MAGI1: variants seen among roughly 807,000 people sequenced by gnomAD.
MAGI1 encodes the protein membrane-associated guanylate kinase, WW and PDZ domain-containing protein 1.
Under a neutral mutation model 139.9 loss-of-function variants are expected in MAGI1, and 58 were observed. The ratio of observed to expected loss-of-function variants is 0.41; its 90% confidence interval spans 0.34 to 0.52. The LOEUF is 0.52. Among genes scored for constraint, MAGI1 ranks in the 20% least tolerant of loss-of-function variants. The pLI, the probability that MAGI1 is intolerant of heterozygous loss-of-function variation, is 0.12. For missense variants in MAGI1, 1,874 were observed against 1,901.6 expected, an observed-to-expected ratio of 0.99 and a Z score of 0.27; for synonymous variants, 812 against 737.9, an observed-to-expected ratio of 1.10 and a Z score of -1.63.
intron 3 of MAGI1, 48 bp from the exon 4 acceptor site, chr3:65,478,846 T>A (rs1951063547): frequency 1.1e-5 from 15 of 1,417,720 alleles, no homozygotes; most frequent in Non-Finnish European, 1.5e-5. Context: ...GAATACTTTG[T>A]GTTTTTTTTT....
chr3:65,723,549 CA>C (rs142557865), intron 1 of MAGI1, among the ~76,000 whole-genome samples: 51,413 of 151,990 alleles, frequency 0.34, 9,846 homozygotes, highest in African/African-American at 0.5. Flanking sequence ...TATTCCTTTC[CA>C]AGTCCTTTCC....
chr3:65,946,743 G>T (rs918276866), intron 1 of MAGI1, among the ~76,000 whole-genome samples: 8 of 152,152 alleles, frequency 5.3e-5, no homozygotes, highest in African/African-American at 1.9e-4. Flanking sequence ...GAAGAGGTAG[G>T]GCCAGGGACA....
chr3:65,662,568 G>A (rs1023460515), intron 1 of MAGI1, among the ~76,000 whole-genome samples: 1 of 152,160 alleles, frequency 6.6e-6, no homozygotes, highest in Non-Finnish European at 1.5e-5. Context: ...TTGTTTGTTT[G>A]TATGTTCTAA....
chr3:65,478,737 C>G lies in MAGI1; in HGVS notation c.612G>C (p.Thr204=). 3.7e-6 allele frequency: 6 copies of G among 1,614,044 alleles called. No homozygotes were observed. Among genetic ancestry groups the G allele is most frequent in the Non-Finnish European group, 5.1e-6 (6 of 1,179,992 alleles). The change falls in exon 4 of 23, where the codon ACG becomes ACC. Residue 204 remains threonine, a synonymous_variant. Transcript: ENST00000402939. ...SQPVSGKVIT[T]DALHSLQSGS... ...CAGACTGAAGGCTGTGCAAGGCATC[C>G]GTCGTGATCACTTTCCCACTGACTG...
intron 7 of MAGI1, among the ~76,000 whole-genome samples, chr3:65,444,130 T>C (rs1948519799): frequency 6.6e-6 from 1 of 152,208 alleles, no homozygotes; most frequent in South Asian, 2.1e-4. Flanking sequence ...CCTTTTCTTC[T>C]AAATCAAAAA....
chr3:65,750,452 G>C lies in MAGI1; in HGVS notation c.314-128364C>G, dbSNP rs143987504. ...ACAAGCTAGATGAACTGTAGAATGA[G>C]TTCACAAAGTTTACAAAATACCTAA... is the stretch of plus-strand genomic sequence containing the variant. On this transcript the variant is annotated intron_variant, in intron 1 of 22. Coordinates refer to ENST00000402939, the MANE Select transcript of MAGI1 (RefSeq NM_001033057.2). Among the ~76,000 whole-genome samples, 220 of 152,272 alleles carry C rather than the reference G, an allele frequency of 1.4e-3. 1 individual carries two copies. The highest frequency in any genetic ancestry group is 2.4e-3 in the Admixed American group (36 of 15,296).
intron 1 of MAGI1, among the ~76,000 whole-genome samples, chr3:65,906,753 G>C (rs1400414325): frequency 6.6e-6 from 1 of 151,896 alleles, no homozygotes; most frequent in East Asian, 1.9e-4. Flanking sequence ...GGGCGTGGTG[G>C]TGGGCACCTA....
At chr3:65,827,968 C>A (rs192659698) in intron 1 of MAGI1, among the ~76,000 whole-genome samples, 1 of 152,242 alleles carries the variant, frequency 6.6e-6, no homozygotes, top group East Asian at 1.9e-4. Flanking sequence ...AAAAGATTCC[C>A]TGAACATTTC....
intron 2 of MAGI1, among the ~76,000 whole-genome samples, chr3:65,515,714 C>G (rs2077836704): frequency 6.6e-6 from 1 of 152,214 alleles, no homozygotes; most frequent in Non-Finnish European, 1.5e-5. Flanking sequence ...AGGATGAATT[C>G]TGGGAATCTT....
intron 10 of MAGI1, among the ~76,000 whole-genome samples, chr3:65,435,731 G>A (rs1282481132): frequency 6.6e-6 from 1 of 152,134 alleles, no homozygotes; most frequent in African/African-American, 2.4e-5. Flanking sequence ...AGTACAGGAT[G>A]GTTAAGAGTA....
At chr3:65,779,277 C>A (rs1472895888) in intron 1 of MAGI1, among the ~76,000 whole-genome samples, 1 of 151,866 alleles carries the variant, frequency 6.6e-6, no homozygotes, top group African/African-American at 2.4e-5. Context: ...TGTGAGTGGC[C>A]CTCTTCTCCA....
intron 2 of MAGI1, among the ~76,000 whole-genome samples, chr3:65,497,671 G>C (rs2107685748): frequency 6.6e-6 from 1 of 152,086 alleles, no homozygotes; most frequent in African/African-American, 2.4e-5. Flanking sequence ...TTCTCCTGCA[G>C]CCATCTTTGC....
intron 1 of MAGI1, among the ~76,000 whole-genome samples, chr3:65,997,556 T>C (rs2066514542): frequency 6.6e-6 from 1 of 152,038 alleles, no homozygotes; most frequent in South Asian, 2.1e-4. Context: ...CTCGGGAGGC[T>C]GAGGCAGGAG....
chr3:65,891,457 G>A (rs1388792065), intron 1 of MAGI1, among the ~76,000 whole-genome samples: 4 of 151,904 alleles, frequency 2.6e-5, no homozygotes, highest in East Asian at 3.9e-4. Context: ...AAAGCACAAC[G>A]GGAAGAGAAG....
intron 1 of MAGI1, among the ~76,000 whole-genome samples, chr3:65,631,839 C>A (rs2084325223): frequency 6.6e-6 from 1 of 152,048 alleles, no homozygotes; most frequent in Non-Finnish European, 1.5e-5. Flanking sequence ...TCCTGGCCAA[C>A]ATGGTGAAAC....
At chr3:65,384,036 C>T (rs1195647493) in intron 14 of MAGI1, among the ~76,000 whole-genome samples, 1 of 152,200 alleles carries the variant, frequency 6.6e-6, no homozygotes, top group Non-Finnish European at 1.5e-5. Flanking sequence ...GAAGCCAGAT[C>T]TAAGGATTCG....
chr3:65,774,716 C>T (rs528725789), intron 1 of MAGI1, among the ~76,000 whole-genome samples: 1 of 152,036 alleles, frequency 6.6e-6, no homozygotes, highest in African/African-American at 2.4e-5. Context: ...GTACATGGAA[C>T]ATATAGATCA....
chr3:65,683,392 G>C (rs995443566), intron 1 of MAGI1, among the ~76,000 whole-genome samples: 3 of 151,742 alleles, frequency 2.0e-5, no homozygotes, highest in Non-Finnish European at 4.4e-5. Flanking sequence ...CACGTACAGG[G>C]GTAGGGAGTA....
intron 1 of MAGI1, among the ~76,000 whole-genome samples, chr3:65,865,837 A>C (rs1411146689): frequency 6.6e-6 from 1 of 152,068 alleles, no homozygotes; most frequent in Non-Finnish European, 1.5e-5. Context: ...ACACGGTTTC[A>C]CCATGTTGGC....
Sources: allele counts gnomAD v4.1 joint callset (sites outside exome capture counted in the v4.1 genomes callset), GRCh38; gene constraint gnomAD v4.1.1; transcripts MANE v1.5; gene names NCBI Gene and HGNC (gene_info 2026-07-23, HGNC 2026-07-21).